Variants in DNAI1 observed in about 807,000 individuals in gnomAD.
DNAI1 encodes dynein, axonemal, intermediate polypeptide 1.
In DNAI1, 67 loss-of-function variants were observed where a neutral mutation model predicts 92.0. The ratio of observed to expected loss-of-function variants is 0.73; its 90% CI spans 0.60 to 0.89. The LOEUF (loss-of-function observed/expected upper bound fraction) is 0.89. Ranked by LOEUF, DNAI1 falls within the 40% of genes least tolerant of loss-of-function variation. DNAI1 has a pLI of 0.00. For synonymous variants in DNAI1, 323 were observed against 319.6 expected, an observed-to-expected ratio of 1.01 and a Z score of -0.11; for missense variants, 839 against 866.6, an observed-to-expected ratio of 0.97 and a Z score of 0.40.
intron 13 of DNAI1, among the ~76,000 whole-genome samples, chr9:34,509,586 G>A (rs1219386027): frequency 6.6e-6 from 1 of 152,052 alleles, no homozygotes; most frequent in Non-Finnish European, 1.5e-5. Flanking sequence ...AGCCATCAGA[G>A]AGTTTGGGGC....
chr9:34,501,200 C>T lies in DNAI1; in HGVS notation c.1063+19C>T, dbSNP rs794727066. 1.3e-6 allele frequency: 2 copies of T among 1,599,622 alleles called. No homozygotes were observed. Among genetic ancestry groups the T allele is most frequent in the Middle Eastern group, 1.7e-4 (1 of 6,046 alleles). ...GGCTCTTGTAAGTGATCTGACTATT[C>T]ATTTATTTGCTCATGTAAACAGCAA... On this transcript the variant is annotated intron_variant, in intron 12 of 19. Transcript: ENST00000242317.
At chr9:34,460,790 C>T (rs913210231) in intron 1 of DNAI1, among the ~76,000 whole-genome samples, 1 of 152,092 alleles carries the variant, frequency 6.6e-6, no homozygotes, top group Non-Finnish European at 1.5e-5. Context: ...TCCCAAGTAG[C>T]TGGGATTACA....
intron 1 of DNAI1, among the ~76,000 whole-genome samples, chr9:34,473,353 C>A (rs1824176573): frequency 6.6e-6 from 1 of 151,378 alleles, no homozygotes; most frequent in African/African-American, 2.4e-5. Context: ...AGTGCAGTGG[C>A]ACGATGTCAG....
At position 34,483,480 on chromosome 9, in the gene DNAI1, A is replaced by G; in HGVS notation, c.81A>G (p.Arg27=). Residue 27 remains arginine, a splice_region_variant and synonymous_variant, in exon 2 of 20, where the codon AGA becomes AGG. Coordinates refer to ENST00000242317, the MANE Select transcript of DNAI1 (RefSeq NM_012144.4). ...GCATAGGCAGAGGAACCAGGAAGAG[A>G]GTAAGTGCTGAGACTACCATGGTCT... ...SISIGRGTRK[R]DEDSGTEVGE... 1.9e-6 allele frequency: 3 copies of G among 1,612,294 alleles called. No homozygotes were observed. The highest frequency in any genetic ancestry group is 2.2e-5 in the South Asian group (2 of 91,046).
chr9:34,500,103 G>C (rs1824799141), intron 10 of DNAI1, among the ~76,000 whole-genome samples: 1 of 152,174 alleles, frequency 6.6e-6, no homozygotes, highest in Admixed American at 6.5e-5. Context: ...TATGGAAACA[G>C]ATCAGTCAAG....
chr9:34,476,190 C>A (rs1824233069), intron 1 of DNAI1, among the ~76,000 whole-genome samples: 1 of 152,190 alleles, frequency 6.6e-6, no homozygotes, highest in African/African-American at 2.4e-5. Context: ...TGAGTGCTCA[C>A]TAGATTACAG....
At chr9:34,519,522 T>C (rs532003002) in intron 19 of DNAI1, among the ~76,000 whole-genome samples, 15 of 152,252 alleles carry the variant, frequency 9.9e-5, no homozygotes, top group South Asian at 4.1e-4. Flanking sequence ...AGCTTTTTTG[T>C]GCTCTGCCTG....
chr9:34,504,469 G>C (rs1824887157), intron 12 of DNAI1, among the ~76,000 whole-genome samples: 1 of 152,188 alleles, frequency 6.6e-6, no homozygotes. Flanking sequence ...ATGTTGTCAG[G>C]TCTCTTTGTA....
At position 34,506,854 on chromosome 9, in the gene DNAI1, C is replaced by A. The variant is rs756877115; in HGVS notation, c.1291C>A (p.His431Asn). ...CTGCAGCTCAGCCAAGTCTGGCAAG[C>A]ACTCAGACCCTGTGTGGCAGGTCAG... ...SFCSSAKSGK[H>N]SDPVWQVKWQ... The change falls in exon 13 of 20, where the codon CAC becomes AAC. Residue 431 changes from histidine to asparagine, a missense_variant. Physicochemically the swap from His to Asn is moderately conservative, Grantham distance 68. Transcript: ENST00000242317. The A allele has an allele frequency of 6.2e-7, 1 of 1,614,084 alleles. No individual in the cohort carries two copies. The highest frequency in any genetic ancestry group is 1.7e-5 in the Admixed American group (1 of 60,014).
At chr9:34,463,919 GAA>G (rs1823992836) in intron 1 of DNAI1, among the ~76,000 whole-genome samples, 1 of 152,114 alleles carries the variant, frequency 6.6e-6, no homozygotes, top group Admixed American at 6.5e-5. Context: ...ATCCACAGAT[GAA>G]AAGATAGGAG....
Position 34,513,101 on chromosome 9 carries a change from C to T in DNAI1, c.1490-11C>T. On this transcript the variant is annotated splice_polypyrimidine_tract_variant and intron_variant, in intron 15 of 19. Transcript: ENST00000242317. Reference sequence around the variant, plus strand: ...AACTGGGCTAAGCCTGCCCCTCCCTCTTTTCCCAAGGTTGTGGCACTGCCT... The same window carrying T: ...AACTGGGCTAAGCCTGCCCCTCCCTTTTTTCCCAAGGTTGTGGCACTGCCT... 6.2e-7 allele frequency: 1 copy of T among 1,613,368 alleles called. No homozygotes were observed. The highest frequency in any genetic ancestry group is 8.5e-7 in the Non-Finnish European group (1 of 1,179,324).
chr9:34,483,624 A>G, intron 2 of DNAI1, 144 bp downstream of exon 2: 1 of 686,094 alleles, frequency 1.5e-6, no homozygotes, highest in South Asian at 1.9e-5. Context: ...ACCTTATAAT[A>G]ACTTTAGTTA....
chr9:34,460,095 C>T (rs1823919484), intron 1 of DNAI1, among the ~76,000 whole-genome samples: 1 of 152,198 alleles, frequency 6.6e-6, no homozygotes, highest in Admixed American at 6.5e-5. Flanking sequence ...GAACATTATG[C>T]TCTTATTACC....
chr9:34,501,269 G>C (rs1824826210), intron 12 of DNAI1, 88 bp downstream of exon 12: 1 of 1,137,430 alleles, frequency 8.8e-7, no homozygotes, highest in African/African-American at 1.5e-5. Flanking sequence ...CCAGTTGTAA[G>C]AAATACAAAG....
chr9:34,494,266 T>C (rs960607112), intron 9 of DNAI1, among the ~76,000 whole-genome samples: 2 of 152,190 alleles, frequency 1.3e-5, no homozygotes, highest in Admixed American at 6.5e-5. Flanking sequence ...CTCGCTTAAT[T>C]CTGTTTCATT....
At chr9:34,493,055 C>T in intron 8 of DNAI1, 139 bp from the exon 9 acceptor site, 1 of 1,117,644 alleles carries the variant, frequency 8.9e-7, no homozygotes, top group Non-Finnish European at 1.4e-6. Context: ...GTATTGAATA[C>T]CTAATTCCAA....
intron 19 of DNAI1, among the ~76,000 whole-genome samples, 158 bp downstream of exon 19, chr9:34,517,625 G>T (rs948873157): frequency 6.6e-6 from 1 of 152,228 alleles, no homozygotes; most frequent in African/African-American, 2.4e-5. Context: ...AGTAGAAGCA[G>T]GTTTGTGAGA....
chr9:34,462,016 T>C (rs763646218), intron 1 of DNAI1, among the ~76,000 whole-genome samples: 11 of 152,128 alleles, frequency 7.2e-5, no homozygotes, highest in Non-Finnish European at 1.3e-4. Flanking sequence ...TGAGGGAAGA[T>C]CAGGGTTGGG....
intron 12 of DNAI1, among the ~76,000 whole-genome samples, 162 bp from the exon 13 acceptor site, chr9:34,506,465 C>G (rs1355481085): frequency 6.6e-6 from 1 of 152,148 alleles, no homozygotes; most frequent in Non-Finnish European, 1.5e-5. Context: ...TCTCATAATT[C>G]CACTTCACAG....
Sources: allele counts gnomAD v4.1 joint callset (sites outside exome capture counted in the v4.1 genomes callset), GRCh38; gene constraint gnomAD v4.1.1; transcripts MANE v1.5; gene names NCBI Gene and HGNC (gene_info 2026-07-23, HGNC 2026-07-21).